Variants in ADAMTS15 observed in about 807,000 individuals in gnomAD.
ADAMTS15 encodes the protein ADAM metallopeptidase with thrombospondin type 1 motif 15, also known as A disintegrin and metalloproteinase with thrombospondin motifs 15.
In ADAMTS15, 35 loss-of-function variants were observed where a neutral mutation model predicts 79.1. That is an observed-to-expected ratio of 0.44 (90% confidence interval 0.34 to 0.59). The LOEUF (loss-of-function observed/expected upper bound fraction) is 0.59. ADAMTS15 is among the 20% of genes least tolerant of loss of function. ADAMTS15 has a pLI of 0.02. For synonymous variants in ADAMTS15, 616 were observed against 567.3 expected (o/e 1.09, Z -1.22); for missense variants, 1,324 against 1,318.7 (o/e 1.00, Z -0.06).
In ADAMTS15 at chr11:130,449,041, G is replaced by A. The variant is rs1937891667; in HGVS notation, c.68G>A (p.Arg23Gln). The part of the protein sequence containing the change: ...GRTAGGSEPE[R>Q]EVVVPIRLDP... ...ACCGCTGGAGGCTCTGAGCCAGAGC[G>A]GGAGGTAGTCGTTCCCATCCGACTG... is the stretch of plus-strand genomic sequence containing the variant. The change falls in exon 1 of 8, where the codon CGG (arginine) becomes CAG (glutamine). Residue 23 changes from arginine (R) to glutamine (Q), a missense_variant. Physicochemically the swap from Arg to Gln is conservative, Grantham distance 43. Coordinates refer to ENST00000299164, the MANE Select transcript of ADAMTS15 (RefSeq NM_139055.4). The surrounding 1 kb of genome is among the most constrained non-coding windows in gnomAD (Gnocchi z 7.8). The A allele has an allele frequency of 6.5e-7, 1 of 1,536,600 alleles. No homozygotes were observed.
Position 130,449,543 on chromosome 11 carries a change from T to A in ADAMTS15, c.570T>A (p.Pro190=). The A allele has an allele frequency of 6.3e-7, 1 of 1,578,272 alleles. No homozygotes were observed. The highest frequency in any genetic ancestry group is 1.7e-5 in the Admixed American group (1 of 58,208). Residue 190 remains proline, a synonymous_variant, in exon 1 of 8, where the codon CCT becomes CCA. Coordinates refer to ENST00000299164, the MANE Select transcript of ADAMTS15 (RefSeq NM_139055.4). The surrounding 1 kb of genome is among the most constrained non-coding windows in gnomAD (Gnocchi z 7.8). The part of the protein sequence containing the change: ...WNPAILRALD[P]YKPRRAGFGE... ...CCGCCATCCTACGGGCCCTGGACCCTTACAAGCCGCGGCGGGCGGGCTTCG... is the reference window on the plus strand; with the variant it reads ...CCGCCATCCTACGGGCCCTGGACCCATACAAGCCGCGGCGGGCGGGCTTCG...
At chr11:130,458,874 G>A (rs539568476) in intron 1 of ADAMTS15, among the ~76,000 whole-genome samples, 2 of 152,130 alleles carry the variant, frequency 1.3e-5, no homozygotes, top group East Asian at 1.9e-4. Context: ...CACCACACCC[G>A]TCCTACACCT....
chr11:130,473,503 T>A lies in ADAMTS15; in HGVS notation c.2535T>A (p.Ala845=). Residue 845 remains alanine (A), a synonymous_variant, in exon 8 of 8, where the codon GCT becomes GCA. Coordinates refer to ENST00000299164, the MANE Select transcript of ADAMTS15 (RefSeq NM_139055.4). ...ACAGGCCCCCTGCACGCTGGGTGGC[T>A]GGCAGCTGGGGGCCGTGCTCCGCGA... ...PDDRPPARWV[A]GSWGPCSASC... 1 of 1,610,364 alleles carries A rather than the reference T, an allele frequency of 6.2e-7. No individual in the cohort carries two copies. Among genetic ancestry groups the A allele is most frequent in the Non-Finnish European group, 8.5e-7 (1 of 1,178,266 alleles).
chr11:130,471,449 T>C (rs374091039), intron 7 of ADAMTS15, 66 bp downstream of exon 7: 2 of 1,548,596 alleles, frequency 1.3e-6, no homozygotes, highest in East Asian at 2.3e-5. Flanking sequence ...TCCCAGGGTA[T>C]TGGAAGCTTG....
intron 7 of ADAMTS15, 94 bp downstream of exon 7, chr11:130,471,477 T>A (rs1938457979): frequency 1.4e-6 from 2 of 1,442,568 alleles, no homozygotes; most frequent in African/African-American, 2.9e-5. Context: ...CTGGGGTAAA[T>A]GTCAGATCCA....
In ADAMTS15 at chr11:130,473,617, G is replaced by C; in HGVS notation, c.2649G>C (p.Arg883=). ...RTVPACDAAH[R]PVETQACGEP... ...TCCCTGCCTGTGATGCAGCCCATCG[G>C]CCCGTGGAGACACAAGCCTGCGGGG... Residue 883 remains arginine (R), a synonymous_variant, in exon 8 of 8, where the codon CGG becomes CGC. Coordinates refer to ENST00000299164, the MANE Select transcript of ADAMTS15 (RefSeq NM_139055.4). The C allele has an allele frequency of 6.2e-7, 1 of 1,609,760 alleles. No individual in the cohort carries two copies. The highest frequency in any genetic ancestry group is 8.5e-7 in the Non-Finnish European group (1 of 1,179,668).
At chr11:130,459,509 T>C (rs894304866) in intron 1 of ADAMTS15, among the ~76,000 whole-genome samples, 4 of 152,188 alleles carry the variant, frequency 2.6e-5, no homozygotes, top group African/African-American at 9.6e-5. Flanking sequence ...GTTTCAGAGC[T>C]CTTGGGAAGG....
At chr11:130,459,027 T>TG (rs1938146052) in intron 1 of ADAMTS15, among the ~76,000 whole-genome samples, 1 of 122,992 alleles carries the variant, frequency 8.1e-6, no homozygotes, top group African/African-American at 3.2e-5. Context: ...TCCCAAGTGT[T>TG]TTTTTTTTTT....
chr11:130,455,779 G>A lies in ADAMTS15; in HGVS notation c.958-5710G>A, dbSNP rs780000670. Among the ~76,000 whole-genome samples the A allele has an allele frequency of 2.6e-5, 4 of 152,210 alleles. No individual in the cohort carries two copies. In the East Asian group the frequency reaches 7.7e-4, roughly 29 times the overall value. ...ATGGCAGGGCAGGGACGGGGTCAGT[G>A]TGTCAATGCAGGTGTGGGGCAAGGA... On this transcript the variant is annotated intron_variant, in intron 1 of 7. Coordinates refer to ENST00000299164, the MANE Select transcript of ADAMTS15 (RefSeq NM_139055.4).
rs1938232730 is a variant in ADAMTS15, at chr11:130,462,896, A to C, written c.1542+116A>C. On this transcript the variant is annotated intron_variant, in intron 4 of 7. Transcript: ENST00000299164. This position sits in a 1 kb window ranked among gnomAD's most constrained non-coding sequence, Gnocchi z 4.3. ...GTGCCTATCACAGACTGGCCACGGG[A>C]CCAGCACTGTTGCATGGCTGAGCTG... 7.2e-7 allele frequency: 1 copy of C among 1,392,234 alleles called. No homozygotes were observed. Among genetic ancestry groups the C allele is most frequent in the Non-Finnish European group, 9.8e-7 (1 of 1,025,216 alleles). The allele number at this position is 1,392,234 out of a possible 1,614,324, so 86.2% of individuals were successfully genotyped here.
chr11:130,461,927 G>C (rs1318347680), intron 2 of ADAMTS15, among the ~76,000 whole-genome samples, 160 bp from the exon 3 acceptor site: 1 of 152,196 alleles, frequency 6.6e-6, no homozygotes, highest in African/African-American at 2.4e-5. Flanking sequence ...GAAAACACAA[G>C]AACATGATCT....
Position 130,449,731 on chromosome 11 carries a change from A to T in ADAMTS15, c.758A>T (p.Tyr253Phe), listed in dbSNP as rs764680859. Residue 253 changes from tyrosine to phenylalanine, a missense_variant, in exon 1 of 8, where the codon TAC becomes TTC. Transcript: ENST00000299164. This position sits in a 1 kb window ranked among gnomAD's most constrained non-coding sequence, Gnocchi z 7.8. ...CTGCTGGCAACGGCGGCGCGACTCTACCGCCATCCCAGCATCCTCAACCCC... is the reference window on the plus strand; with the variant it reads ...CTGCTGGCAACGGCGGCGCGACTCTTCCGCCATCCCAGCATCCTCAACCCC... Reference protein sequence around the residue: ...LTLLATAARLYRHPSILNPIN... With the variant: ...LTLLATAARLFRHPSILNPIN... The T allele has an allele frequency of 1.7e-5, 27 of 1,612,506 alleles. No homozygotes were observed. The East Asian group carries it at 6.0e-4, about 36-fold the overall frequency.
In ADAMTS15 at chr11:130,461,518, C is replaced by A; in HGVS notation, c.987C>A (p.Thr329=). The A allele has an allele frequency of 1.2e-6, 2 of 1,614,164 alleles. No individual in the cohort carries two copies. The highest frequency in any genetic ancestry group is 8.5e-7 in the Non-Finnish European group (1 of 1,180,034). ...QDLCGATTCD[T]LGMADVGTMC... ...TGTGTGGAGCCACCACCTGTGACAC[C>A]CTGGGCATGGCTGATGTGGGTACCA... is the stretch of plus-strand genomic sequence containing the variant. Residue 329 remains threonine (T), a synonymous_variant, in exon 2 of 8, where the codon ACC becomes ACA. Transcript: ENST00000299164.
intron 4 of ADAMTS15, among the ~76,000 whole-genome samples, chr11:130,465,889 A>G (rs1163375545): frequency 7.2e-6 from 1 of 138,906 alleles, no homozygotes; most frequent in African/African-American, 2.8e-5. Context: ...TTTTTTTTTT[A>G]AGACAAGAGT....
At chr11:130,454,623 A>G (rs1357679093) in intron 1 of ADAMTS15, among the ~76,000 whole-genome samples, 1 of 152,176 alleles carries the variant, frequency 6.6e-6, no homozygotes, top group East Asian at 1.9e-4. Context: ...TGAGTATTTA[A>G]TAATTTGTTA....
chr11:130,453,639 C>T (rs1938014006), intron 1 of ADAMTS15, among the ~76,000 whole-genome samples: 2 of 152,102 alleles, frequency 1.3e-5, no homozygotes, highest in African/African-American at 4.8e-5. Flanking sequence ...GTTAACCAGG[C>T]TGATCTTGAA....
chr11:130,456,206 A>G (rs1938075946), intron 1 of ADAMTS15, among the ~76,000 whole-genome samples: 1 of 152,186 alleles, frequency 6.6e-6, no homozygotes, highest in South Asian at 2.1e-4. Flanking sequence ...ACAGTCTGGC[A>G]CACAGTAGCC....
chr11:130,463,748 T>G (rs1938250086), intron 4 of ADAMTS15, among the ~76,000 whole-genome samples: 1 of 152,176 alleles, frequency 6.6e-6, no homozygotes, highest in African/African-American at 2.4e-5. Flanking sequence ...CAGGGAACTG[T>G]GTAAGATACT....
intron 1 of ADAMTS15, among the ~76,000 whole-genome samples, chr11:130,456,820 G>A (rs1284022355): frequency 6.6e-6 from 1 of 152,180 alleles, no homozygotes; most frequent in East Asian, 1.9e-4. Context: ...AGTCCTGTGA[G>A]TATAATACCT....
Sources: allele counts gnomAD v4.1 joint callset (sites outside exome capture counted in the v4.1 genomes callset), GRCh38; gene constraint gnomAD v4.1.1; non-coding constraint Gnocchi (gnomAD v3.1); transcripts MANE v1.5; gene names NCBI Gene and HGNC (gene_info 2026-07-23, HGNC 2026-07-21).